The following BRSK2 variants were observed in gnomAD, a reference collection of about 807,000 sequenced individuals.
BRSK2 encodes the protein serine/threonine-protein kinase BRSK2.
A neutral mutation model predicts 83.3 loss-of-function variants in BRSK2; 19 were observed. The observed-to-expected ratio is 0.23, with a 90% CI of 0.16 to 0.33. The LOEUF is 0.33. Ranked by LOEUF, BRSK2 falls within the 10% of genes least tolerant of loss-of-function variation. The pLI is 1.00. For missense variants in BRSK2, 798 were observed against 1,042.3 expected (o/e 0.77, Z 3.23); for synonymous variants, 519 against 435.4 (o/e 1.19, Z -2.39).
chr11:1,456,074 C>G (rs1187805108), intron 16 of BRSK2, among the ~76,000 whole-genome samples: 1 of 152,212 alleles, frequency 6.6e-6, no homozygotes, highest in African/African-American at 2.4e-5. Flanking sequence ...TCTGTAAGGT[C>G]CTGGTCATCC....
rs1412632010 is a variant in BRSK2, at chr11:1,460,706, C to T, written c.2194C>T (p.Arg732Cys). The part of the protein sequence containing the change: ...DTAKMGPPTA[R>C]REQP ...GGCCAAGATGGGCCCGCCCACCGCC[C>T]GCCGCGAGCAGCCTTAGACACACTA... The change falls in exon 20 of 20, where the codon CGC becomes TGC. Residue 732 changes from arginine to cysteine, a missense_variant. Transcript: ENST00000528841. The T allele has an allele frequency of 4.8e-6, 7 of 1,464,718 alleles. No individual in the cohort carries two copies. The African/African-American group carries it at 5.8e-5, about 12-fold the overall frequency. The allele number at this position is 1,464,718 out of a possible 1,614,324, so 90.7% of individuals were successfully genotyped here.
intron 1 of BRSK2, among the ~76,000 whole-genome samples, chr11:1,404,377 C>T (rs575152588): frequency 2.0e-5 from 3 of 152,278 alleles, no homozygotes; most frequent in Non-Finnish European, 4.4e-5. Flanking sequence ...AGGAGGCCAT[C>T]GTCCCAGCCA....
intron 1 of BRSK2, among the ~76,000 whole-genome samples, chr11:1,402,103 C>T (rs777479271): frequency 7.2e-5 from 11 of 152,184 alleles, no homozygotes; most frequent in Non-Finnish European, 1.5e-4. Flanking sequence ...GGGCCAGGGC[C>T]CCGCAGAGCT....
At chr11:1,416,803 C>T (rs1590389872) in intron 1 of BRSK2, among the ~76,000 whole-genome samples, 3 of 152,196 alleles carry the variant, frequency 2.0e-5, no homozygotes, top group Admixed American at 1.3e-4. Flanking sequence ...CAGTGAGCCC[C>T]GTGGATCCAC....
At chr11:1,449,872 A>G (rs750953307) in intron 13 of BRSK2, 36 bp downstream of exon 13, 2 of 1,503,508 alleles carry the variant, frequency 1.3e-6, no homozygotes, top group Non-Finnish European at 1.8e-6. Flanking sequence ...GCTCGGATGC[A>G]CAGAGGCCCC....
chr11:1,424,711 G>A (rs1031927978), intron 1 of BRSK2, among the ~76,000 whole-genome samples: 8 of 150,100 alleles, frequency 5.3e-5, no homozygotes, highest in Non-Finnish European at 7.4e-5. Context: ...CTCAGGACCC[G>A]TTGGGACTGT....
chr11:1,456,624 G>A lies in BRSK2; in HGVS notation c.1876G>A (p.Val626Met). The change falls in exon 18 of 20, where the codon GTG (valine) becomes ATG (methionine). Residue 626 changes from valine (V) to methionine (M), a missense_variant. By Grantham distance (21) the Val-to-Met change is conservative. Transcript: ENST00000528841. ...SGPSRRFKRV[V>M]ETIQAQLLST... Reference sequence around the variant, plus strand: ...CCCCAGCCGTCGCTTCAAGAGGGTGGTGGAGACCATCCAGGCCCAGCTGCT... The same window carrying A: ...CCCCAGCCGTCGCTTCAAGAGGGTGATGGAGACCATCCAGGCCCAGCTGCT... 6.2e-7 allele frequency: 1 copy of A among 1,611,242 alleles called. No individual in the cohort carries two copies. Among genetic ancestry groups the A allele is most frequent in the African/African-American group, 1.3e-5 (1 of 75,060 alleles).
chr11:1,443,645 C>T lies in BRSK2; in HGVS notation c.780+10C>T. ...CGCACGCCGCCTCACGGTGCGTGCC[C>T]TCGGAGCGGGGCGGCCCCAGAGCGT... is the stretch of plus-strand genomic sequence containing the variant. On this transcript the variant is annotated intron_variant, in intron 8 of 19. Coordinates refer to ENST00000528841, the MANE Select transcript of BRSK2 (RefSeq NM_001256627.2). 1 of 1,584,446 alleles carries T rather than the reference C, an allele frequency of 6.3e-7. No individual in the cohort carries two copies. Among genetic ancestry groups the T allele is most frequent in the Middle Eastern group, 1.7e-4 (1 of 5,934 alleles).
In BRSK2 at chr11:1,450,714, G is replaced by A; in HGVS notation, c.1415G>A (p.Gly472Glu). 2 of 1,605,630 alleles carry A rather than the reference G, an allele frequency of 1.2e-6. No individual in the cohort carries two copies. The highest frequency in any genetic ancestry group is 1.7e-6 in the Non-Finnish European group (2 of 1,177,578). The change falls in exon 14 of 20, where the codon GGG becomes GAG. Residue 472 changes from glycine (G) to glutamate (E), a missense_variant. By Grantham distance (98) the Gly-to-Glu change is moderately conservative (BLOSUM62 -2). Coordinates refer to ENST00000528841, the MANE Select transcript of BRSK2 (RefSeq NM_001256627.2). The part of the protein sequence containing the change: ...PTPPSSPSVG[G>E]VPWRARLNSI... Reference sequence around the variant, plus strand: ...CCCCCGTCCAGCCCCAGCGTCGGAGGGGTGCCCTGGAGGGCGCGGCTCAAC... The same window carrying A: ...CCCCCGTCCAGCCCCAGCGTCGGAGAGGTGCCCTGGAGGGCGCGGCTCAAC...
intron 18 of BRSK2, among the ~76,000 whole-genome samples, chr11:1,457,222 A>T (rs1590707456): frequency 6.6e-6 from 1 of 152,100 alleles, no homozygotes; most frequent in East Asian, 1.9e-4. Flanking sequence ...GACCTGGGAG[A>T]GCAGTGACAA....
chr11:1,426,607 C>T (rs554748933), intron 1 of BRSK2, among the ~76,000 whole-genome samples: 1 of 152,098 alleles, frequency 6.6e-6, no homozygotes, highest in East Asian at 1.9e-4. Flanking sequence ...CGCGTGTCTT[C>T]TCTGTGTGAC....
rs762795669 is a variant in BRSK2 at position 1,443,415 on chromosome 11, GC to G, written c.633+17del. 82 of 1,597,402 alleles carry G rather than the reference GC, an allele frequency of 5.1e-5. No individual in the cohort carries two copies. The highest frequency in any genetic ancestry group is 6.6e-5 in the Non-Finnish European group (77 of 1,172,876). On this transcript the variant is annotated intron_variant, in intron 7 of 19. Coordinates refer to ENST00000528841, the MANE Select transcript of BRSK2 (RefSeq NM_001256627.2). ...TCGCCTTGCTGGTGGTGAGACCCTG[GC>G]CCCCTCAACCCTGCCCTGGCCTCTC...
Position 1,442,625 on chromosome 11 carries a change from T to C in BRSK2, c.530+19T>C, listed in dbSNP as rs749013499. On this transcript the variant is annotated intron_variant, in intron 5 of 19. Transcript: ENST00000528841. Reference sequence around the variant, plus strand: ...GCTGTGGGTACGTGGCCCTCTGCCCTGGAGAGAGGCTGGGGGACAGGCTGG... The same window carrying C: ...GCTGTGGGTACGTGGCCCTCTGCCCCGGAGAGAGGCTGGGGGACAGGCTGG... The C allele has an allele frequency of 1.8e-5, 28 of 1,579,674 alleles. No individual in the cohort carries two copies. Among genetic ancestry groups the C allele is most frequent in the Non-Finnish European group, 2.4e-5 (28 of 1,150,576 alleles).
At chr11:1,445,532 C>T (rs1390446484) in intron 10 of BRSK2, 39 bp from the exon 11 acceptor site, 1 of 1,600,334 alleles carries the variant, frequency 6.2e-7, no homozygotes, top group South Asian at 1.1e-5. Context: ...GCCGGCGGCC[C>T]CGTGTGCCAG....
Position 1,390,218 on chromosome 11 carries a change from G to A in BRSK2, c.-67G>A. ...CGGACGGCACTCGGCGGACGCGGGCGGACGCTGGGCGGCCCCTCCCTGCCC... is the reference window on the plus strand; with the variant it reads ...CGGACGGCACTCGGCGGACGCGGGCAGACGCTGGGCGGCCCCTCCCTGCCC... On this transcript the variant is annotated 5_prime_UTR_variant, in exon 1 of 20. Transcript: ENST00000528841. The surrounding 1 kb of genome is among the most constrained non-coding windows in gnomAD (Gnocchi z 6.8). 5 of 869,758 alleles carry A rather than the reference G, an allele frequency of 5.7e-6. No individual in the cohort carries two copies. The highest frequency in any genetic ancestry group is 1.2e-4 in the East Asian group (1 of 8,090). 53.9% of individuals were successfully genotyped at this position (869,758 alleles called of 1,614,324 possible). A position where few individuals can be genotyped will look rare whatever the true frequency, so the allele number is the denominator to read the frequency against.
chr11:1,425,561 C>T (rs1425751003), intron 1 of BRSK2, among the ~76,000 whole-genome samples: 1 of 152,164 alleles, frequency 6.6e-6, no homozygotes, highest in Non-Finnish European at 1.5e-5. Context: ...AATGACCCCA[C>T]CCCCTCAGGA....
chr11:1,408,966 A>AGG (rs970855650), intron 1 of BRSK2, among the ~76,000 whole-genome samples: 73 of 104,954 alleles, frequency 7.0e-4, no homozygotes, highest in African/African-American at 2.4e-3. Flanking sequence ...TTGCCTGTGC[A>AGG]GGTGTGTGTG....
chr11:1,391,169 G>C (rs886567714), intron 1 of BRSK2, among the ~76,000 whole-genome samples: 6 of 152,364 alleles, frequency 3.9e-5, no homozygotes, highest in African/African-American at 1.4e-4. Flanking sequence ...ACTCTCCCCG[G>C]CCCGCTGGGT....
At position 1,438,851 on chromosome 11, in the gene BRSK2, G is replaced by T. The variant is rs984927507; in HGVS notation, c.272+460G>T. Among the ~76,000 whole-genome samples, 1 of 152,214 alleles carries T rather than the reference G, an allele frequency of 6.6e-6. No individual in the cohort carries two copies. Among genetic ancestry groups the T allele is most frequent in the African/African-American group, 2.4e-5 (1 of 41,456 alleles). On this transcript the variant is annotated intron_variant, in intron 3 of 19. Coordinates refer to ENST00000528841, the MANE Select transcript of BRSK2 (RefSeq NM_001256627.2). The surrounding 1 kb of genome is among the most constrained non-coding windows in gnomAD (Gnocchi z 6.4). ...CCCGCCCTGGCTGGACCGTGGCTGA[G>T]TGTGGCTGAAAGTGTCACCTCCGCA...
Sources: allele counts gnomAD v4.1 joint callset (sites outside exome capture counted in the v4.1 genomes callset), GRCh38; gene constraint gnomAD v4.1.1; non-coding constraint Gnocchi (gnomAD v3.1); transcripts MANE v1.5; gene names NCBI Gene and HGNC (gene_info 2026-07-23, HGNC 2026-07-21).